TM4SF4: variants seen among roughly 807,000 people sequenced by gnomAD.
TM4SF4 encodes transmembrane 4 L6 family member 4.
Under a neutral mutation model 24.1 loss-of-function variants are expected in TM4SF4, and 24 were observed. That is an observed-to-expected ratio of 1.00 (90% CI 0.72 to 1.40). The LOEUF (loss-of-function observed/expected upper bound fraction) is 1.40. Ranked by LOEUF, TM4SF4 falls within the 40% of genes most tolerant of loss-of-function variation. TM4SF4 has a pLI of 0.00. For missense variants in TM4SF4, 254 were observed against 254.2 expected (o/e 1.00, Z 0.01); for synonymous variants, 113 against 97.0 (o/e 1.17, Z -0.97).
At chr3:149,486,570 G>T (rs901251753) in intron 2 of TM4SF4, among the ~76,000 whole-genome samples, 1 of 152,078 alleles carries the variant, frequency 6.6e-6, no homozygotes, top group African/African-American at 2.4e-5. Context: ...AACCTAGCTG[G>T]GTTCCAGGAT....
rs141048335 is a variant in TM4SF4, at chr3:149,481,050, C to A, written c.264+5138C>A. ...TAATTTTTTGTATTTTTAGTAGAGA[C>A]TGCATTTCACTATGTTGGCCAGGCT... On this transcript the variant is annotated intron_variant, in intron 2 of 4. Transcript: ENST00000305354. Among the ~76,000 whole-genome samples the A allele has an allele frequency of 8.8e-3, 1,336 of 152,134 alleles. 20 individuals carry two copies. Among genetic ancestry groups the A allele is most frequent in the African/African-American group, 0.03 (1,229 of 41,512 alleles).
chr3:149,502,713 C>G lies in TM4SF4; in HGVS notation c.*20C>G, dbSNP rs774221218. 6.4e-7 allele frequency: 1 copy of G among 1,573,170 alleles called. No homozygotes were observed. Among genetic ancestry groups the G allele is most frequent in the Non-Finnish European group, 8.7e-7 (1 of 1,143,824 alleles). On this transcript the variant is annotated 3_prime_UTR_variant, in exon 5 of 5. Coordinates refer to ENST00000305354, the MANE Select transcript of TM4SF4 (RefSeq NM_004617.4). ...GTTTAAACCTCCGAGATGAGCTGCT[C>G]AGACTCTACAGCATGACGACTACAA...
chr3:149,490,877 G>T (rs1576520663), intron 3 of TM4SF4, among the ~76,000 whole-genome samples: 1 of 152,136 alleles, frequency 6.6e-6, no homozygotes, highest in South Asian at 2.1e-4. Context: ...CCAAAGGGCA[G>T]CCATGGTAGC....
chr3:149,497,229 T>G (rs1337452878), intron 3 of TM4SF4, among the ~76,000 whole-genome samples: 1 of 152,174 alleles, frequency 6.6e-6, no homozygotes, highest in African/African-American at 2.4e-5. Context: ...ATCTAAGCAC[T>G]TTACTCATAC....
At chr3:149,484,167 A>T (rs4681176) in intron 2 of TM4SF4, among the ~76,000 whole-genome samples, 3 of 151,924 alleles carry the variant, frequency 2.0e-5, no homozygotes, top group Non-Finnish European at 4.4e-5. Flanking sequence ...CCATCAAAAG[A>T]CTCCCACAGC....
intron 2 of TM4SF4, among the ~76,000 whole-genome samples, chr3:149,485,841 A>G (rs1424862075): frequency 2.0e-5 from 3 of 152,192 alleles, no homozygotes; most frequent in Admixed American, 2.0e-4. Context: ...TTATTGTATT[A>G]GAGGCATTGT....
chr3:149,483,456 A>G (rs1734067429), intron 2 of TM4SF4, among the ~76,000 whole-genome samples: 2 of 140,580 alleles, frequency 1.4e-5, no homozygotes, highest in South Asian at 4.3e-4. Flanking sequence ...CTCTATTTAA[A>G]ATCAACTATA....
At chr3:149,485,242 C>T (rs1734096277) in intron 2 of TM4SF4, among the ~76,000 whole-genome samples, 2 of 152,118 alleles carry the variant, frequency 1.3e-5, no homozygotes, top group Admixed American at 6.5e-5. Context: ...TTTAGAAGTG[C>T]AGCAGGAATG....
intron 2 of TM4SF4, among the ~76,000 whole-genome samples, chr3:149,482,083 C>A (rs1338593281): frequency 2.6e-5 from 4 of 152,244 alleles, no homozygotes; most frequent in African/African-American, 4.8e-5. Flanking sequence ...TTACTAGCAG[C>A]CTATCCCACG....
chr3:149,487,855 A>T, intron 3 of TM4SF4, 100 bp downstream of exon 3: 1 of 1,507,132 alleles, frequency 6.6e-7, no homozygotes, highest in Non-Finnish European at 9.0e-7. Context: ...CTTCATCCTT[A>T]TGCAAGCCTC....
intron 3 of TM4SF4, among the ~76,000 whole-genome samples, chr3:149,490,879 C>T (rs1734199120): frequency 6.6e-6 from 1 of 152,154 alleles, no homozygotes; most frequent in South Asian, 2.1e-4. Flanking sequence ...AAAGGGCAGC[C>T]ATGGTAGCAA....
chr3:149,495,152 T>G (rs1191705513), intron 3 of TM4SF4: 3 of 230,716 alleles, frequency 1.3e-5, no homozygotes, highest in African/African-American at 2.3e-5. Flanking sequence ...GAGAAAATCA[T>G]TAAGAAAGTC....
At chr3:149,500,094 T>C (rs1223038369) in intron 4 of TM4SF4, among the ~76,000 whole-genome samples, 1 of 152,172 alleles carries the variant, frequency 6.6e-6, no homozygotes, top group Non-Finnish European at 1.5e-5. Context: ...AGTATCTCTT[T>C]TTATTATTTT....
intron 3 of TM4SF4, among the ~76,000 whole-genome samples, chr3:149,498,229 T>G (rs1734348567): frequency 6.6e-6 from 1 of 152,172 alleles, no homozygotes; most frequent in Non-Finnish European, 1.5e-5. Context: ...GCCACTACAC[T>G]TGACAAGTCA....
chr3:149,477,268 T>G (rs965004881), intron 2 of TM4SF4, among the ~76,000 whole-genome samples: 2 of 152,114 alleles, frequency 1.3e-5, no homozygotes, highest in African/African-American at 4.8e-5. Flanking sequence ...ATGAACACAA[T>G]GAGAGCTGAC....
At chr3:149,495,007 T>C in intron 3 of TM4SF4, 1 of 211,380 alleles carries the variant, frequency 4.7e-6, no homozygotes, top group Non-Finnish European at 9.9e-6. Context: ...TTGGTGTTGG[T>C]GAATCTGAAG....
chr3:149,485,773 A>G (rs931112498), intron 2 of TM4SF4, among the ~76,000 whole-genome samples: 4 of 151,782 alleles, frequency 2.6e-5, no homozygotes, highest in Non-Finnish European at 4.4e-5. Context: ...AGCCTGGGTG[A>G]CAGGGCAAGA....
intron 1 of TM4SF4, 108 bp from the exon 2 acceptor site, chr3:149,475,715 T>C (rs1338368628): frequency 4.5e-6 from 4 of 881,906 alleles, no homozygotes; most frequent in Non-Finnish European, 5.5e-6. Context: ...CCATTCCCTT[T>C]GGGCCTCCAA....
chr3:149,489,255 C>T (rs1734170142), intron 3 of TM4SF4, among the ~76,000 whole-genome samples: 1 of 152,180 alleles, frequency 6.6e-6, no homozygotes, highest in Admixed American at 6.5e-5. Context: ...AGGCTCTTCC[C>T]CTGACAGCTC....
Sources: allele counts gnomAD v4.1 joint callset (sites outside exome capture counted in the v4.1 genomes callset), GRCh38; gene constraint gnomAD v4.1.1; transcripts MANE v1.5; gene names NCBI Gene and HGNC (gene_info 2026-07-23, HGNC 2026-07-21).